The following TCF12 variants were observed in gnomAD, a reference collection of about 807,000 sequenced individuals.
TCF12 encodes the protein transcription factor 12, also known as DNA-binding protein HTF4.
TCF12 carries 45 observed loss-of-function variants against 86.0 expected under a neutral mutation model. That is an observed-to-expected ratio of 0.52 (90% CI 0.41 to 0.67). The LOEUF is 0.67. Among genes scored for constraint, TCF12 ranks in the 30% least tolerant of loss-of-function variants. TCF12 has a pLI of 0.00. For missense variants in TCF12, 881 were observed against 859.9 expected (o/e 1.02, Z -0.31); for synonymous variants, 330 against 299.6 (o/e 1.10, Z -1.05).
intron 5 of TCF12, among the ~76,000 whole-genome samples, chr15:57,136,855 C>T (rs1025393112): frequency 1.9e-4 from 29 of 151,238 alleles, no homozygotes; most frequent in African/African-American, 6.1e-4. Flanking sequence ...TTTCCCATGT[C>T]GCCCAGGCTG....
chr15:57,027,479 C>A (rs1368181682), intron 3 of TCF12, among the ~76,000 whole-genome samples: 1 of 152,056 alleles, frequency 6.6e-6, no homozygotes, highest in Non-Finnish European at 1.5e-5. Flanking sequence ...TATATTTGGA[C>A]CTTTTAGAGT....
At chr15:57,125,116 C>T (rs1385338107) in intron 5 of TCF12, among the ~76,000 whole-genome samples, 3 of 152,138 alleles carry the variant, frequency 2.0e-5, no homozygotes, top group African/African-American at 4.8e-5. Context: ...ATACAGATCC[C>T]ACTGAGGACA....
At chr15:57,193,186 G>C (rs147833334) in intron 7 of TCF12, among the ~76,000 whole-genome samples, 1 of 152,200 alleles carries the variant, frequency 6.6e-6, no homozygotes, top group Non-Finnish European at 1.5e-5. Context: ...TTAGTACTTA[G>C]GATAAAATTT....
chr15:57,179,537 ATT>A (rs879614803), intron 6 of TCF12, among the ~76,000 whole-genome samples: 1 of 147,984 alleles, frequency 6.8e-6, no homozygotes, highest in African/African-American at 2.5e-5. Context: ...CTCAAAAGAA[ATT>A]TTTTTTTTTT....
chr15:57,128,235 G>A (rs2051824947), intron 5 of TCF12, among the ~76,000 whole-genome samples: 1 of 152,198 alleles, frequency 6.6e-6, no homozygotes, highest in African/African-American at 2.4e-5. Context: ...ACATGTAATT[G>A]TACTCCTTTT....
chr15:57,260,723 C>A (rs2060549754), intron 16 of TCF12, among the ~76,000 whole-genome samples: 1 of 152,080 alleles, frequency 6.6e-6, no homozygotes. Context: ...ATTATGTTTG[C>A]CCATATCTAT....
intron 5 of TCF12, among the ~76,000 whole-genome samples, chr15:57,095,357 C>T (rs1304011459): frequency 6.6e-6 from 1 of 152,094 alleles, no homozygotes. Flanking sequence ...TACTTGTTTT[C>T]CTTTACCTTT....
At chr15:56,965,485 A>T (rs926511888) in intron 3 of TCF12, among the ~76,000 whole-genome samples, 6 of 152,202 alleles carry the variant, frequency 3.9e-5, no homozygotes, top group African/African-American at 1.4e-4. Flanking sequence ...AATCTGAATG[A>T]AGAGGAAGGT....
At chr15:56,974,363 G>T (rs1307189326) in intron 3 of TCF12, among the ~76,000 whole-genome samples, 1 of 151,980 alleles carries the variant, frequency 6.6e-6, no homozygotes, top group Non-Finnish European at 1.5e-5. Context: ...AAGTAATTGT[G>T]GTAAAATGTT....
chr15:57,157,263 C>T (rs1297268167), intron 5 of TCF12, among the ~76,000 whole-genome samples: 3 of 150,676 alleles, frequency 2.0e-5, no homozygotes, highest in Non-Finnish European at 4.4e-5. Context: ...AAAGAGTACA[C>T]ATTCATGATG....
intron 5 of TCF12, among the ~76,000 whole-genome samples, chr15:57,162,352 GTTC>G (rs1322897594): frequency 1.3e-5 from 2 of 152,090 alleles, no homozygotes; most frequent in African/African-American, 4.8e-5. Context: ...CATGAAAATA[GTTC>G]TTGTGAAAAG....
intron 8 of TCF12, among the ~76,000 whole-genome samples, chr15:57,202,657 G>T (rs553665830): frequency 6.6e-6 from 1 of 151,046 alleles, no homozygotes; most frequent in Non-Finnish European, 1.5e-5. Context: ...GGATGGTCTC[G>T]ATCTCCCGAC....
At chr15:57,091,013 T>A (rs2048961004) in intron 4 of TCF12, among the ~76,000 whole-genome samples, 1 of 152,222 alleles carries the variant, frequency 6.6e-6, no homozygotes, top group Non-Finnish European at 1.5e-5. Context: ...AAAAATATGT[T>A]TTAAACTATA....
At chr15:57,072,553 G>T in intron 4 of TCF12, 1 of 636,098 alleles carries the variant, frequency 1.6e-6, no homozygotes, top group Non-Finnish European at 2.1e-6. Context: ...ATTTTTGAAG[G>T]GGAAAAAGGT....
At chr15:56,970,591 A>G (rs555396096) in intron 3 of TCF12, among the ~76,000 whole-genome samples, 45 of 152,152 alleles carry the variant, frequency 3.0e-4, no homozygotes, top group African/African-American at 1.1e-3. Context: ...GGAAGAATAT[A>G]TGGATGAATT....
chr15:57,117,499 T>C (rs1434803394), intron 5 of TCF12, among the ~76,000 whole-genome samples: 7 of 152,236 alleles, frequency 4.6e-5, no homozygotes, highest in East Asian at 1.9e-4. Context: ...CAAAACTTCT[T>C]TGTTACTGTG....
intron 4 of TCF12, among the ~76,000 whole-genome samples, chr15:57,067,932 G>A (rs1454653662): frequency 6.6e-6 from 1 of 152,132 alleles, no homozygotes; most frequent in African/African-American, 2.4e-5. Context: ...TCTCTCCCTT[G>A]CTTTTTATTC....
intron 3 of TCF12, among the ~76,000 whole-genome samples, chr15:56,925,498 A>G (rs1363066133): frequency 6.6e-6 from 1 of 152,192 alleles, no homozygotes; most frequent in Non-Finnish European, 1.5e-5. Context: ...AACCTTGACT[A>G]TAAACAACTT....
intron 3 of TCF12, among the ~76,000 whole-genome samples, chr15:56,948,207 G>T (rs746216851): frequency 6.6e-6 from 1 of 151,558 alleles, no homozygotes; most frequent in East Asian, 1.9e-4. Flanking sequence ...CTGCAGCCTT[G>T]ACCTCCTGGG....
Sources: gnomAD v4.1 joint callset for allele counts (sites outside exome capture counted in the v4.1 genomes callset) on GRCh38, gnomAD v4.1.1 for gene constraint, MANE v1.5 for transcripts, NCBI Gene and HGNC (gene_info 2026-07-23, HGNC 2026-07-21) for gene names.